The following EXOC5 variants were observed in gnomAD, a reference collection of about 807,000 sequenced individuals.
EXOC5 encodes SEC10-like 1.
Under a neutral mutation model 90.8 loss-of-function variants are expected in EXOC5, and 17 were observed. The observed-to-expected ratio is 0.19, with a 90% confidence interval of 0.13 to 0.28. The LOEUF is 0.28. EXOC5 is among the 10% of genes least tolerant of loss of function. The pLI, the probability that EXOC5 is intolerant of heterozygous loss-of-function variation, is 1.00. For synonymous variants in EXOC5, 260 were observed against 270.0 expected, an observed-to-expected ratio of 0.96 and a Z score of 0.36; for missense variants, 569 against 830.6, an observed-to-expected ratio of 0.69 and a Z score of 3.87.
At chr14:57,216,320 A>T (rs766967767) in intron 15 of EXOC5, among the ~76,000 whole-genome samples, 8 of 152,136 alleles carry the variant, frequency 5.3e-5, no homozygotes, top group Non-Finnish European at 8.8e-5. Flanking sequence ...ACCAGAAAAA[A>T]TCCTGAATAG....
In EXOC5 at chr14:57,209,591, A is replaced by G; in HGVS notation, c.1914T>C (p.Tyr638=). The G allele has an allele frequency of 6.2e-7, 1 of 1,612,468 alleles. No individual in the cohort carries two copies. Among genetic ancestry groups the G allele is most frequent in the Non-Finnish European group, 8.5e-7 (1 of 1,178,906 alleles). Residue 638 remains tyrosine (Y), a synonymous_variant, in exon 17 of 18, where the codon TAT becomes TAC. Coordinates refer to ENST00000621441, the MANE Select transcript of EXOC5 (RefSeq NM_006544.4). ...GMLAICDVAE[Y]RKCAKDFKIP... ...CCTTGAAGTCTTTGGCACACTTCCT[A>G]TATTCGGCTACATCACAAATGGCCA...
intron 1 of EXOC5, among the ~76,000 whole-genome samples, chr14:57,253,258 G>A (rs1441328657): frequency 2.0e-5 from 3 of 152,006 alleles, no homozygotes; most frequent in Admixed American, 2.0e-4. Flanking sequence ...ATCTAAAAAG[G>A]AAATTATAAA....
In EXOC5 at chr14:57,234,041, A is replaced by G. The variant is rs754364017; in HGVS notation, c.670-9T>C. On this transcript the variant is annotated splice_polypyrimidine_tract_variant and intron_variant, in intron 7 of 17. Transcript: ENST00000621441. The stretch of plus-strand genomic sequence containing the variant: ...ACACAATGGGAATAACCCTACAAGG[A>G]AGAAACACATTGTTATTATTCTGAT... 4 of 1,564,106 alleles carry G rather than the reference A, an allele frequency of 2.6e-6. No individual in the cohort carries two copies. The Admixed American group carries it at 5.0e-5, about 20-fold the overall frequency.
At position 57,208,011 on chromosome 14, in the gene EXOC5, A is replaced by T. The variant is rs1374274436; in HGVS notation, c.*598T>A. The T allele has an allele frequency of 1.3e-5, 2 of 152,154 alleles. No individual in the cohort carries two copies. Among genetic ancestry groups the T allele is most frequent in the Non-Finnish European group, 2.9e-5 (2 of 67,994 alleles). The allele number at this position is 152,154 out of a possible 1,614,324, so 9.4% of individuals were successfully genotyped here. A position where few individuals can be genotyped will look rare whatever the true frequency, so the allele number is the denominator to read the frequency against. ...GTTCATCATTTTAGTTCAGTTTATG[A>T]CATTTTTTGGACTAGTATTAATGCT... On this transcript the variant is annotated 3_prime_UTR_variant, in exon 18 of 18. Coordinates refer to ENST00000621441, the MANE Select transcript of EXOC5 (RefSeq NM_006544.4).
chr14:57,256,540 A>C (rs1323783570), intron 1 of EXOC5, among the ~76,000 whole-genome samples: 1 of 152,178 alleles, frequency 6.6e-6, no homozygotes, highest in Non-Finnish European at 1.5e-5. Context: ...GAATGTCAGA[A>C]GAGCTGCTCC....
intron 6 of EXOC5, among the ~76,000 whole-genome samples, chr14:57,236,398 G>A (rs2139642172): frequency 6.7e-6 from 1 of 148,926 alleles, no homozygotes; most frequent in Non-Finnish European, 1.5e-5. Flanking sequence ...CGATTCTCCT[G>A]CCTCAGCCTC....
intron 1 of EXOC5, among the ~76,000 whole-genome samples, chr14:57,260,342 T>C (rs1884462663): frequency 6.6e-6 from 1 of 152,150 alleles, no homozygotes; most frequent in Non-Finnish European, 1.5e-5. Context: ...GAAAAAGTAT[T>C]TTGAAAACTA....
rs931173471 is a variant in EXOC5 at position 57,222,429 on chromosome 14, A to C, written c.1297-13T>G. The C allele has an allele frequency of 8.3e-6, 12 of 1,447,986 alleles. No individual in the cohort carries two copies. The highest frequency in any genetic ancestry group is 1.1e-5 in the Non-Finnish European group (12 of 1,043,856). The allele number at this position is 1,447,986 out of a possible 1,614,324, so 89.7% of individuals were successfully genotyped here. A position where few individuals can be genotyped will look rare whatever the true frequency, so the allele number is the denominator to read the frequency against. On this transcript the variant is annotated splice_polypyrimidine_tract_variant and intron_variant, in intron 12 of 17. Transcript: ENST00000621441. Reference sequence around the variant, plus strand: ...AAGGATCAGAGAGCTTAAAAACAAAAATCAAACAATATCACTCCTCAAGTC... The same window carrying C: ...AAGGATCAGAGAGCTTAAAAACAAACATCAAACAATATCACTCCTCAAGTC...
intron 15 of EXOC5, among the ~76,000 whole-genome samples, chr14:57,215,467 A>G (rs1008475704): frequency 1.4e-4 from 22 of 152,106 alleles, no homozygotes; most frequent in Admixed American, 1.2e-3. Flanking sequence ...ATCATACACC[A>G]TAACCAAACA....
At position 57,204,702 on chromosome 14, in the gene EXOC5, T is replaced by C. The variant is rs1882596427; in HGVS notation, c.*3907A>G. ...AAATAATACCAATAAAGATTTGTGA[T>C]AGACATATTTCTATTAGGTACAAAC... is the stretch of plus-strand genomic sequence containing the variant. On this transcript the variant is annotated 3_prime_UTR_variant, in exon 18 of 18. Transcript: ENST00000621441. The C allele has an allele frequency of 6.6e-6, 1 of 152,454 alleles. No homozygotes were observed. The highest frequency in any genetic ancestry group is 2.1e-4 in the South Asian group (1 of 4,830). 9.4% of individuals were successfully genotyped at this position (152,454 alleles called of 1,614,324 possible).
At chr14:57,248,053 T>C (rs982062027) in intron 1 of EXOC5, among the ~76,000 whole-genome samples, 2 of 150,608 alleles carry the variant, frequency 1.3e-5, no homozygotes, top group South Asian at 4.2e-4. Flanking sequence ...TTACTAGTAA[T>C]CAAATAAGAT....
At chr14:57,254,142 T>TAGG (rs1431560743) in intron 1 of EXOC5, among the ~76,000 whole-genome samples, 2 of 152,104 alleles carry the variant, frequency 1.3e-5, no homozygotes, top group Admixed American at 1.3e-4. Flanking sequence ...CATGAAAAGA[T>TAGG]GCCTAACACT....
intron 12 of EXOC5, among the ~76,000 whole-genome samples, chr14:57,227,349 C>T (rs190339862): frequency 6.8e-4 from 104 of 152,266 alleles, no homozygotes; most frequent in African/African-American, 2.4e-3. Context: ...CATGTTGACA[C>T]ATGTAACTCT....
intron 1 of EXOC5, chr14:57,268,322 A>C (rs1594692501): frequency 1.6e-6 from 1 of 641,762 alleles, no homozygotes; most frequent in South Asian, 2.0e-5. Context: ...ATCTTCCAAC[A>C]CCCGAACCTT....
intron 15 of EXOC5, among the ~76,000 whole-genome samples, chr14:57,215,991 C>T (rs2139614086): frequency 6.6e-6 from 1 of 151,988 alleles, no homozygotes; most frequent in Non-Finnish European, 1.5e-5. Flanking sequence ...GACAGAAAAT[C>T]ATCATACAAA....
intron 7 of EXOC5, among the ~76,000 whole-genome samples, chr14:57,235,438 T>A (rs1883628247): frequency 6.6e-6 from 1 of 152,084 alleles, no homozygotes; most frequent in South Asian, 2.1e-4. Flanking sequence ...GACAATATGA[T>A]TTTCTTTATC....
chr14:57,263,970 T>C (rs1438510100), intron 1 of EXOC5, among the ~76,000 whole-genome samples: 1 of 152,124 alleles, frequency 6.6e-6, no homozygotes, highest in South Asian at 2.1e-4. Context: ...AATTTCTATA[T>C]GCCATTACTA....
At chr14:57,264,176 A>C (rs1020305982) in intron 1 of EXOC5, among the ~76,000 whole-genome samples, 1 of 152,222 alleles carries the variant, frequency 6.6e-6, no homozygotes, top group African/African-American at 2.4e-5. Flanking sequence ...TGTTACTACA[A>C]TTGGTAGCCA....
Position 57,246,777 on chromosome 14 carries a change from C to T in EXOC5, c.204G>A (p.Glu68=), listed in dbSNP as rs199805336. 100 of 1,608,962 alleles carry T rather than the reference C, an allele frequency of 6.2e-5. No individual in the cohort carries two copies. The African/African-American group carries it at 1.0e-3, about 17-fold the overall frequency. The part of the protein sequence containing the change: ...ERIQRKVEKL[E]QQCQKEAKEF... ...CCTTGGCTTCTTTCTGACATTGTTGCTCTAGTTTCTCTACTTTCCTCTGAA... is the reference window on the plus strand; with the variant it reads ...CCTTGGCTTCTTTCTGACATTGTTGTTCTAGTTTCTCTACTTTCCTCTGAA... Residue 68 remains glutamate, a synonymous_variant, in exon 3 of 18, where the codon GAG becomes GAA. Coordinates refer to ENST00000621441, the MANE Select transcript of EXOC5 (RefSeq NM_006544.4).
Sources: gnomAD v4.1 joint callset for allele counts (sites outside exome capture counted in the v4.1 genomes callset) on GRCh38, gnomAD v4.1.1 for gene constraint, MANE v1.5 for transcripts, NCBI Gene and HGNC (gene_info 2026-07-23, HGNC 2026-07-21) for gene names.